Variants in MX2 observed in about 807,000 individuals in gnomAD.
MX2 encodes MX dynamin like GTPase 2.
MX2 carries 51 observed loss-of-function variants against 74.0 expected under a neutral mutation model. The ratio of observed to expected loss-of-function variants is 0.69; its 90% CI spans 0.55 to 0.87. MX2 has a LOEUF of 0.87. MX2 is among the 40% of genes least tolerant of loss of function. The probability of loss-of-function intolerance (pLI) is 0.00; values close to 1 mark genes in which losing one functional copy is unlikely to be tolerated. For missense variants in MX2, 832 were observed against 908.7 expected, an observed-to-expected ratio of 0.92 and a Z score of 1.09; for synonymous variants, 369 against 339.3, an observed-to-expected ratio of 1.09 and a Z score of -0.96.
chr21:41,390,502 C>A, intron 5 of MX2, 63 bp from the exon 6 acceptor site: 2 of 1,603,582 alleles, frequency 1.2e-6, no homozygotes, highest in African/African-American at 2.7e-5. Flanking sequence ...CCTGCCTGGC[C>A]GTGCTGCTGA....
Position 41,366,894 on chromosome 21 carries a change from AC to A in MX2, c.-72+4844del. The A allele has an allele frequency of 6.6e-6, 1 of 152,194 alleles. No individual in the cohort carries two copies. The allele number at this position is 152,194 out of a possible 1,614,324, so 9.4% of individuals were successfully genotyped here. ...GCTGTGACTCACTGTTGACATGGCA[AC>A]CCCCACCCCCTGGACTCCTCGCTCA... On this transcript the variant is annotated intron_variant, in intron 1 of 13. Transcript: ENST00000330714. This position sits in a 1 kb window ranked among gnomAD's most constrained non-coding sequence, Gnocchi z 4.5.
chr21:41,383,387 G>A (rs768437316), intron 5 of MX2, among the ~76,000 whole-genome samples: 61 of 152,140 alleles, frequency 4.0e-4, no homozygotes, highest in Non-Finnish European at 7.6e-4. Flanking sequence ...TAAACCTGAG[G>A]TTGCCTGAAA....
At chr21:41,375,816 C>T (rs1474172617) in intron 1 of MX2, among the ~76,000 whole-genome samples, 7 of 152,150 alleles carry the variant, frequency 4.6e-5, no homozygotes, top group African/African-American at 1.2e-4. Flanking sequence ...CATTCAGCCT[C>T]CTAGATCCAC....
At chr21:41,404,477 AAAAG>A (rs2089858563) in intron 12 of MX2, 1 of 152,380 alleles carries the variant, frequency 6.6e-6, no homozygotes, top group Non-Finnish European at 1.5e-5. Flanking sequence ...GTACGTGGGA[AAAAG>A]AAATACAAGT....
chr21:41,405,107 G>T (rs533474207), intron 12 of MX2, among the ~76,000 whole-genome samples: 53 of 151,810 alleles, frequency 3.5e-4, no homozygotes, highest in Non-Finnish European at 3.4e-4. Flanking sequence ...TCAGGAGTTC[G>T]AGACCAGCCT....
At chr21:41,400,654 C>A (rs1483106185) in intron 10 of MX2, among the ~76,000 whole-genome samples, 1 of 152,164 alleles carries the variant, frequency 6.6e-6, no homozygotes, top group African/African-American at 2.4e-5. Context: ...GAAGCAAGCA[C>A]CTTCTTTCCA....
intron 1 of MX2, among the ~76,000 whole-genome samples, chr21:41,375,884 C>T (rs543637876): frequency 5.9e-5 from 9 of 152,272 alleles, no homozygotes; most frequent in Non-Finnish European, 7.4e-5. Context: ...GGCTCCTGCC[C>T]GGAGCACAGG....
rs1037372484 is a variant in MX2 at position 41,380,151 on chromosome 21, G to A, written c.577G>A (p.Ala193Thr). The A allele has an allele frequency of 6.2e-7, 1 of 1,613,756 alleles. No homozygotes were observed. The highest frequency in any genetic ancestry group is 8.5e-7 in the Non-Finnish European group (1 of 1,179,778). The change falls in exon 4 of 14, where the codon GCC (alanine) becomes ACC (threonine). Residue 193 changes from alanine to threonine, a missense_variant and splice_region_variant. Ala to Thr is a moderately conservative substitution (Grantham distance 58, BLOSUM62 0). Coordinates refer to ENST00000330714, the MANE Select transcript of MX2 (RefSeq NM_002463.2). The surrounding 1 kb of genome is among the most constrained non-coding windows in gnomAD (Gnocchi z 4.3). ...PGQVEKEIHK[A>T]QNVMAGNGRG... ...CCAGGTGGAGAAAGAGATACACAAA[G>A]GTGGGCCCACGTCATTCTGAGGTTC...
At chr21:41,404,539 A>C (rs1286120331) in intron 12 of MX2, 1 of 152,216 alleles carries the variant, frequency 6.6e-6, no homozygotes, top group East Asian at 1.9e-4. Context: ...GTTTAGGGGA[A>C]CTTCAGTATT....
intron 3 of MX2, among the ~76,000 whole-genome samples, chr21:41,378,221 T>C (rs1037316453): frequency 1.4e-5 from 2 of 140,436 alleles, no homozygotes; most frequent in African/African-American, 5.7e-5. Flanking sequence ...GACAGGTCAC[T>C]GGGAGAGACA....
At chr21:41,378,296 CAG>C (rs1473488338) in intron 3 of MX2, among the ~76,000 whole-genome samples, 1 of 150,704 alleles carries the variant, frequency 6.6e-6, no homozygotes, top group African/African-American at 2.4e-5. Flanking sequence ...CTGGGAGAGA[CAG>C]ATCACTGGGA....
In MX2 at chr21:41,395,580, C is replaced by G; in HGVS notation, c.872-7C>G. 6.2e-6 allele frequency: 10 copies of G among 1,613,852 alleles called. No individual in the cohort carries two copies. The highest frequency in any genetic ancestry group is 8.5e-6 in the Non-Finnish European group (10 of 1,179,822). ...CTTTCCATTTCCCTTCTTTAACCAT[C>G]TCACAGGTATCCTGACCAAACCAGA... On this transcript the variant is annotated splice_region_variant and splice_polypyrimidine_tract_variant and intron_variant, in intron 6 of 13. Coordinates refer to ENST00000330714, the MANE Select transcript of MX2 (RefSeq NM_002463.2).
chr21:41,395,215 CTG>C (rs1367068587), intron 6 of MX2, among the ~76,000 whole-genome samples: 1 of 151,598 alleles, frequency 6.6e-6, no homozygotes, highest in African/African-American at 2.4e-5. Flanking sequence ...CGGAGTGAGT[CTG>C]TTCAGGAGAC....
intron 5 of MX2, among the ~76,000 whole-genome samples, chr21:41,387,346 T>C (rs2089593506): frequency 6.6e-6 from 1 of 152,202 alleles, no homozygotes; most frequent in African/African-American, 2.4e-5. Context: ...TCTTGGCCGA[T>C]TTGTCTCCCC....
At chr21:41,379,091 G>A (rs902520160) in intron 3 of MX2, among the ~76,000 whole-genome samples, 15 of 152,234 alleles carry the variant, frequency 9.9e-5, no homozygotes, top group African/African-American at 2.9e-4. Context: ...GCCACCTGCA[G>A]CCTGGTCCTT....
chr21:41,407,242 AAATT>A (rs2089899368), intron 13 of MX2, among the ~76,000 whole-genome samples: 1 of 152,226 alleles, frequency 6.6e-6, no homozygotes, highest in Non-Finnish European at 1.5e-5. Context: ...CGTGTACTCA[AAATT>A]AATTCTGACC....
At chr21:41,371,922 A>G (rs1459731190) in intron 1 of MX2, among the ~76,000 whole-genome samples, 1 of 152,238 alleles carries the variant, frequency 6.6e-6, no homozygotes, top group Admixed American at 6.5e-5. Flanking sequence ...CTCAAAGCCC[A>G]GAGAGATGGA....
chr21:41,397,533 A>C (rs1240643750), intron 7 of MX2, 80 bp from the exon 8 acceptor site: 1 of 1,318,588 alleles, frequency 7.6e-7, no homozygotes, highest in Non-Finnish European at 1.1e-6. Context: ...AGCTGGGCTC[A>C]CCTACCACGC....
In MX2 at chr21:41,399,332, A is replaced by G; in HGVS notation, c.1409A>G (p.Gln470Arg). 6.2e-7 allele frequency: 1 copy of G among 1,613,784 alleles called. No individual in the cohort carries two copies. The highest frequency in any genetic ancestry group is 8.5e-7 in the Non-Finnish European group (1 of 1,179,894). The change falls in exon 10 of 14, where the codon CAA (glutamine) becomes CGA (arginine). Residue 470 changes from glutamine (Q) to arginine (R), a missense_variant. Gln to Arg is a conservative substitution (Grantham distance 43, BLOSUM62 1). Transcript: ENST00000330714. ...GTAGGCATACTTGCAACTAATACCC[A>G]AAAAGGTAAGTTCTGGGCAGGGCTC... ...NWVGILATNT[Q>R]KVKNIIHEEV...
Sources: allele counts gnomAD v4.1 joint callset (sites outside exome capture counted in the v4.1 genomes callset), GRCh38; gene constraint gnomAD v4.1.1; non-coding constraint Gnocchi (gnomAD v3.1); transcripts MANE v1.5; gene names NCBI Gene and HGNC (gene_info 2026-07-23, HGNC 2026-07-21).